ZNF644: variants seen among roughly 807,000 people sequenced by gnomAD.
ZNF644 encodes the protein zinc finger motif enhancer binding protein 2.
A neutral mutation model predicts 108.0 loss-of-function variants in ZNF644; 20 were observed. The ratio of observed to expected loss-of-function variants is 0.19; its 90% confidence interval spans 0.13 to 0.27. ZNF644 has a LOEUF of 0.27. ZNF644 is among the 10% of genes least tolerant of loss of function. The pLI, the probability that ZNF644 is intolerant of heterozygous loss-of-function variation, is 1.00. For missense variants in ZNF644, 1,338 were observed against 1,548.9 expected, an observed-to-expected ratio of 0.86 and a Z score of 2.29; for synonymous variants, 542 against 539.1, an observed-to-expected ratio of 1.01 and a Z score of -0.08.
chr1:90,953,298 A>AT (rs10586999), intron 2 of ZNF644, among the ~76,000 whole-genome samples: 710 of 142,918 alleles, frequency 5.0e-3, no homozygotes, highest in African/African-American at 0.013. Context: ...ATGAGCCACC[A>AT]TTTTTTTTTT....
At chr1:90,918,863 C>A (rs1311892628) in intron 4 of ZNF644, among the ~76,000 whole-genome samples, 1 of 151,748 alleles carries the variant, frequency 6.6e-6, no homozygotes, top group African/African-American at 2.4e-5. Flanking sequence ...AAATATAAAT[C>A]CATATTATCT....
At chr1:90,995,799 G>A (rs1441027221) in intron 1 of ZNF644, among the ~76,000 whole-genome samples, 3 of 152,124 alleles carry the variant, frequency 2.0e-5, no homozygotes, top group South Asian at 2.1e-4. Context: ...TGGGTTTGTG[G>A]CCAGCAGATA....
intron 1 of ZNF644, among the ~76,000 whole-genome samples, chr1:91,014,906 G>A (rs1462093812): frequency 6.6e-6 from 1 of 152,116 alleles, no homozygotes; most frequent in African/African-American, 2.4e-5. Flanking sequence ...ATATACCTAG[G>A]TTCAAACTTG....
At chr1:90,949,343 T>C (rs561225392) in intron 2 of ZNF644, among the ~76,000 whole-genome samples, 1 of 152,242 alleles carries the variant, frequency 6.6e-6, no homozygotes, top group East Asian at 1.9e-4. Flanking sequence ...TCTTGAAATA[T>C]TATCCTTGCT....
intron 1 of ZNF644, among the ~76,000 whole-genome samples, chr1:90,984,698 G>A (rs76463326): frequency 0.038 from 5,725 of 152,158 alleles, 202 homozygotes; most frequent in African/African-American, 0.094. Context: ...CAGCCTGACT[G>A]GTATCATTCT....
chr1:91,009,151 G>T (rs1379714780), intron 1 of ZNF644, among the ~76,000 whole-genome samples: 2 of 152,136 alleles, frequency 1.3e-5, no homozygotes, highest in Non-Finnish European at 2.9e-5. Flanking sequence ...GAAGGGGAAA[G>T]ACTTAGTGCC....
intron 4 of ZNF644, among the ~76,000 whole-genome samples, chr1:90,927,650 GTA>G (rs2308006): frequency 0.11 from 17,355 of 152,176 alleles, 1,050 homozygotes; most frequent in South Asian, 0.16. Flanking sequence ...GCAGATAAAT[GTA>G]TACACATATA....
At chr1:91,007,225 GTTTTTTTTTTTTTTTTTTTT>G (rs35761791) in intron 1 of ZNF644, among the ~76,000 whole-genome samples, 1 of 55,974 alleles carries the variant, frequency 1.8e-5, no homozygotes, top group African/African-American at 7.6e-5. Context: ...CTCCCATTTT[GTTTTTTTTTTTTTTTTTTTT>G]TTTTTTTTGA....
rs749326303 is a variant in ZNF644, at chr1:90,941,270, A to G, written c.84T>C (p.Asp28=). ...CAGTAATATCGGTGTTTATCTTCAA[A>G]TCATCCATATTGTTGGCAAGCCCAT... ...VLNGLANNMD[D]LKINTDITGA... Residue 28 remains aspartate, a synonymous_variant, in exon 3 of 6, where the codon GAT becomes GAC. Coordinates refer to ENST00000337393, the MANE Select transcript of ZNF644 (RefSeq NM_201269.3). The G allele has an allele frequency of 3.8e-5, 61 of 1,598,588 alleles. No homozygotes were observed. The highest frequency in any genetic ancestry group is 3.4e-4 in the Middle Eastern group (2 of 5,958).
At chr1:90,961,089 C>T (rs377422215) in intron 2 of ZNF644, among the ~76,000 whole-genome samples, 30 of 152,048 alleles carry the variant, frequency 2.0e-4, no homozygotes, top group South Asian at 1.7e-3. Context: ...GAATAAAAAG[C>T]GATACAAGTG....
At chr1:91,000,524 G>A (rs1023347781) in intron 1 of ZNF644, among the ~76,000 whole-genome samples, 16 of 152,106 alleles carry the variant, frequency 1.1e-4, no homozygotes, top group East Asian at 7.7e-4. Context: ...GAATCTCTGC[G>A]ACACATTTAA....
chr1:90,940,410 G>A lies in ZNF644; in HGVS notation c.944C>T (p.Pro315Leu). The A allele has an allele frequency of 1.2e-6, 2 of 1,613,270 alleles. No individual in the cohort carries two copies. The highest frequency in any genetic ancestry group is 1.3e-5 in the African/African-American group (1 of 74,868). Residue 315 changes from proline to leucine, a missense_variant, in exon 3 of 6, where the codon CCC (proline) becomes CTC (leucine). Physicochemically the swap from Pro to Leu is moderately conservative, Grantham distance 98. Around this residue, in one of 6 missense-constraint regions of ZNF644, gnomAD observed 464 missense variants for 457.9 expected, o/e 1.01. Transcript: ENST00000337393. Reference sequence around the variant, plus strand: ...TACTTCTTGCATTTTTGATTTATTGGGTACACAATTAGAATCACTAAAGCA... The same window carrying A: ...TACTTCTTGCATTTTTGATTTATTGAGTACACAATTAGAATCACTAAAGCA... ...EDCFSDSNCVPNKSKMQEVDF... is the reference protein window; with the variant it reads ...EDCFSDSNCVLNKSKMQEVDF...
chr1:90,965,970 C>CT (rs1479065591), intron 2 of ZNF644, among the ~76,000 whole-genome samples: 1 of 152,228 alleles, frequency 6.6e-6, no homozygotes, highest in South Asian at 2.1e-4. Flanking sequence ...AGGCTGGTCT[C>CT]TAACTCCTGA....
rs1651546339 is a variant in ZNF644 at position 90,938,163 on chromosome 1, G to A, written c.3083-73C>T. The A allele has an allele frequency of 6.2e-7, 1 of 1,605,448 alleles. No homozygotes were observed. The highest frequency in any genetic ancestry group is 2.2e-5 in the East Asian group (1 of 44,706). The stretch of plus-strand genomic sequence containing the variant: ...GACCACCCTAAAATGAGTTAATTCT[G>A]AAACATAAAATTATGATTCTAATAA... On this transcript the variant is annotated intron_variant, in intron 3 of 5. Coordinates refer to ENST00000337393, the MANE Select transcript of ZNF644 (RefSeq NM_201269.3). The surrounding 1 kb of genome is among the most constrained non-coding windows in gnomAD (Gnocchi z 4.2).
chr1:90,995,096 A>G (rs565854167), intron 1 of ZNF644, among the ~76,000 whole-genome samples: 8 of 152,360 alleles, frequency 5.3e-5, no homozygotes, highest in Admixed American at 3.9e-4. Context: ...TCAGGAAAAA[A>G]GAAAAGTAAA....
At chr1:90,970,998 C>CAA (rs61253802) in intron 2 of ZNF644, among the ~76,000 whole-genome samples, 2,369 of 92,576 alleles carry the variant, frequency 0.026, 83 homozygotes, top group Middle Eastern at 0.068. Flanking sequence ...GACTCCATTT[C>CAA]AAAAAAAAAA....
intron 1 of ZNF644, among the ~76,000 whole-genome samples, chr1:90,997,188 A>C (rs547401424): frequency 6.6e-6 from 1 of 152,264 alleles, no homozygotes; most frequent in African/African-American, 2.4e-5. Flanking sequence ...CCCAGGAAAG[A>C]CCTAAGTGCT....
intron 1 of ZNF644, among the ~76,000 whole-genome samples, chr1:90,990,227 C>A (rs1225222651): frequency 1.3e-5 from 2 of 152,038 alleles, no homozygotes; most frequent in Non-Finnish European, 2.9e-5. Flanking sequence ...TTCTAGAGAC[C>A]TGTTACACAA....
At chr1:90,965,114 T>C (rs1654726049) in intron 2 of ZNF644, among the ~76,000 whole-genome samples, 1 of 152,134 alleles carries the variant, frequency 6.6e-6, no homozygotes, top group Non-Finnish European at 1.5e-5. Flanking sequence ...TTTGCTAGGA[T>C]AACAGAAAAA....
Sources: allele counts gnomAD v4.1 joint callset (sites outside exome capture counted in the v4.1 genomes callset), GRCh38; gene constraint gnomAD v4.1.1; regional missense constraint gnomAD v4.1.1; non-coding constraint Gnocchi (gnomAD v3.1); transcripts MANE v1.5; gene names NCBI Gene and HGNC (gene_info 2026-07-23, HGNC 2026-07-21).